The following CEMIP2 variants were observed in gnomAD, a reference collection of about 807,000 sequenced individuals.
The protein encoded by CEMIP2 is cell surface hyaluronidase CEMIP2.
In CEMIP2, 79 loss-of-function variants were observed where a neutral mutation model predicts 146.9. The observed-to-expected ratio is 0.54, with a 90% CI of 0.45 to 0.65. The LOEUF is 0.65. Ranked by LOEUF, CEMIP2 falls within the 30% of genes least tolerant of loss-of-function variation. The probability of loss-of-function intolerance (pLI) is 0.00; values close to 1 mark genes in which losing one functional copy is unlikely to be tolerated. For missense variants in CEMIP2, 1,596 were observed against 1,696.2 expected (o/e 0.94, Z 1.04); for synonymous variants, 601 against 606.3 (o/e 0.99, Z 0.13).
intron 20 of CEMIP2, among the ~76,000 whole-genome samples, chr9:71,697,041 T>C (rs1822423904): frequency 6.6e-6 from 1 of 152,174 alleles, no homozygotes; most frequent in Non-Finnish European, 1.5e-5. Flanking sequence ...TAAAAAAAAT[T>C]ATCAGTGGAA....
chr9:71,765,706 T>G (rs1286004560), intron 1 of CEMIP2, among the ~76,000 whole-genome samples: 2 of 152,348 alleles, frequency 1.3e-5, no homozygotes, highest in Middle Eastern at 3.4e-3. Context: ...TTATTGGACC[T>G]TCTAATTGTT....
chr9:71,744,546 C>T (rs1160698340), intron 4 of CEMIP2, among the ~76,000 whole-genome samples: 1 of 151,582 alleles, frequency 6.6e-6, no homozygotes, highest in Non-Finnish European at 1.5e-5. Flanking sequence ...CAAAGGAGTC[C>T]GAAAAAAGAA....
chr9:71,730,318 G>A (rs528122178), intron 8 of CEMIP2, 65 bp from the exon 9 acceptor site: 230 of 1,486,350 alleles, frequency 1.5e-4, no homozygotes, highest in Non-Finnish European at 2.0e-4. Flanking sequence ...AGTGACAAGC[G>A]CTATCCAGTG....
At chr9:71,688,568 AG>A (rs1822138948) in intron 22 of CEMIP2, among the ~76,000 whole-genome samples, 1 of 151,624 alleles carries the variant, frequency 6.6e-6, no homozygotes, top group East Asian at 1.9e-4. Flanking sequence ...TTGTATTTTT[AG>A]TAGAGATGAG....
In CEMIP2 at chr9:71,690,164, G is replaced by A. The variant is rs114226382; in HGVS notation, c.3779C>T (p.Thr1260Met). Residue 1260 changes from threonine to methionine, a missense_variant, in exon 22 of 24, where the codon ACG (threonine) becomes ATG (methionine). Coordinates refer to ENST00000377044, the MANE Select transcript of CEMIP2 (RefSeq NM_013390.3). ...VDPCSVPFRL[T>M]EKTVFPLADV... is the part of the protein sequence containing the mutation. ...AGCAAGAGGAAAAACCGTTTTTTCC[G>A]TCAAGCGGAATGGAACGCTGCACGG... 1.6e-5 allele frequency: 26 copies of A among 1,613,990 alleles called. No homozygotes were observed. The highest frequency in any genetic ancestry group is 9.9e-5 in the South Asian group (9 of 91,088).
rs1824771132 is a variant in CEMIP2, at chr9:71,765,728, G to A, written c.-13+2629C>T. On this transcript the variant is annotated intron_variant, in intron 1 of 23. Transcript: ENST00000377044. ...ACCTTCTAATTGTTCATTTCCTTAT[G>A]TCCGGGGCTAGGCTCATTTCTTCAA... Among the ~76,000 whole-genome samples, 3 of 151,970 alleles carry A rather than the reference G, an allele frequency of 2.0e-5. No homozygotes were observed. The South Asian group carries it at 6.2e-4, about 32-fold the overall frequency.
intron 1 of CEMIP2, among the ~76,000 whole-genome samples, chr9:71,764,605 G>A (rs1046965016): frequency 1.6e-4 from 25 of 152,060 alleles, no homozygotes; most frequent in African/African-American, 5.6e-4. Context: ...GCAGTGTCTA[G>A]AAAACTGATT....
intron 17 of CEMIP2, among the ~76,000 whole-genome samples, chr9:71,705,773 A>G (rs1285726467): frequency 2.0e-5 from 3 of 150,342 alleles, no homozygotes; most frequent in Non-Finnish European, 4.4e-5. Flanking sequence ...ATATTTATGT[A>G]TATGTATATT....
At chr9:71,733,269 C>A (rs143540193) in intron 6 of CEMIP2, among the ~76,000 whole-genome samples, 1 of 152,174 alleles carries the variant, frequency 6.6e-6, no homozygotes, top group East Asian at 1.9e-4. Flanking sequence ...AGTGTAGAAG[C>A]ACTTTAATAA....
chr9:71,686,086 T>G, intron 22 of CEMIP2: 9 of 411,470 alleles, frequency 2.2e-5, no homozygotes, highest in East Asian at 4.4e-5. Context: ...TTTACGTACG[T>G]TCACCTAGTG....
chr9:71,690,308 C>T, intron 21 of CEMIP2, 62 bp from the exon 22 acceptor site: 1 of 1,570,132 alleles, frequency 6.4e-7, no homozygotes, highest in Admixed American at 1.8e-5. Flanking sequence ...CAGGATGACT[C>T]ATTTTTCCGG....
intron 10 of CEMIP2, among the ~76,000 whole-genome samples, chr9:71,728,336 A>C (rs1823511015): frequency 1.2e-5 from 1 of 86,516 alleles, no homozygotes; most frequent in African/African-American, 4.8e-5. Flanking sequence ...TATATATCTC[A>C]GCAGGTATGA....
chr9:71,752,120 TC>T (rs1206711291), intron 1 of CEMIP2, among the ~76,000 whole-genome samples: 2 of 151,980 alleles, frequency 1.3e-5, no homozygotes, highest in Non-Finnish European at 2.9e-5. Context: ...TTAATTAACT[TC>T]CCCAAAGATC....
chr9:71,726,430 G>GGAAGT (rs201174031), intron 10 of CEMIP2, among the ~76,000 whole-genome samples: 10,695 of 152,206 alleles, frequency 0.07, 532 homozygotes, highest in South Asian at 0.19. Flanking sequence ...TTCACTTTAT[G>GGAAGT]GAACTTCGAT....
rs1349711855 is a variant in CEMIP2 at position 71,685,847 on chromosome 9, C to T, written c.3852-1G>A. The T allele has an allele frequency of 4.3e-6, 7 of 1,612,138 alleles. No homozygotes were observed. Among genetic ancestry groups the T allele is most frequent in the Non-Finnish European group, 5.9e-6 (7 of 1,178,436 alleles). ...TCTTGTGCTCAACAGAACAATGGACCTGTATGTGAAATTTAGAAAGTCAGA... is the reference window on the plus strand; with the variant it reads ...TCTTGTGCTCAACAGAACAATGGACTTGTATGTGAAATTTAGAAAGTCAGA... On this transcript the variant is annotated splice_acceptor_variant, in intron 22 of 23. Transcript: ENST00000377044. LOFTEE classifies it high-confidence loss of function.
At chr9:71,753,055 A>G (rs1824309713) in intron 1 of CEMIP2, among the ~76,000 whole-genome samples, 1 of 152,170 alleles carries the variant, frequency 6.6e-6, no homozygotes, top group South Asian at 2.1e-4. Context: ...TAATGGAGAC[A>G]TTCTGCTGGA....
intron 4 of CEMIP2, among the ~76,000 whole-genome samples, chr9:71,742,560 C>T (rs1823953843): frequency 6.6e-6 from 1 of 152,144 alleles, no homozygotes; most frequent in Non-Finnish European, 1.5e-5. Flanking sequence ...TCTAAGTTCT[C>T]TATGAAATCA....
At chr9:71,752,362 C>T (rs954200741) in intron 1 of CEMIP2, among the ~76,000 whole-genome samples, 2 of 148,846 alleles carry the variant, frequency 1.3e-5, no homozygotes, top group Non-Finnish European at 3.0e-5. Flanking sequence ...ACAAGGAAGT[C>T]CTTTTTAATT....
At chr9:71,701,376 G>A (rs1317778512) in intron 18 of CEMIP2, among the ~76,000 whole-genome samples, 2 of 152,118 alleles carry the variant, frequency 1.3e-5, no homozygotes, top group Non-Finnish European at 2.9e-5. Flanking sequence ...AGAGTGCTGG[G>A]ATTACAGGCG....
Sources: gnomAD v4.1 joint callset for allele counts (sites outside exome capture counted in the v4.1 genomes callset) on GRCh38, gnomAD v4.1.1 for gene constraint, MANE v1.5 for transcripts, NCBI Gene and HGNC (gene_info 2026-07-23, HGNC 2026-07-21) for gene names.